The following GLIPR2 variants were observed in gnomAD, a reference collection of about 807,000 sequenced individuals.
The protein encoded by GLIPR2 is GLI pathogenesis related 2.
GLIPR2 carries 21 observed loss-of-function variants against 20.4 expected under a neutral mutation model. The ratio of observed to expected loss-of-function variants is 1.03; its 90% CI spans 0.73 to 1.48. The LOEUF (loss-of-function observed/expected upper bound fraction) is 1.48, where lower values mean the gene tolerates loss of function less well. Ranked by LOEUF, GLIPR2 falls within the 40% of genes most tolerant of loss-of-function variation. The probability of loss-of-function intolerance (pLI) is 0.00; values close to 1 mark genes in which losing one functional copy is unlikely to be tolerated. For synonymous variants in GLIPR2, 91 were observed against 80.5 expected (o/e 1.13, Z -0.70); for missense variants, 205 against 200.1 (o/e 1.02, Z -0.15).
At chr9:36,138,834 G>C (rs756166466) in intron 1 of GLIPR2, among the ~76,000 whole-genome samples, 1 of 152,198 alleles carries the variant, frequency 6.6e-6, no homozygotes, top group Non-Finnish European at 1.5e-5. Context: ...ACTGCTCCGC[G>C]TGGGAGCCGA....
chr9:36,146,006 C>T (rs1825313108), intron 1 of GLIPR2: 1 of 152,336 alleles, frequency 6.6e-6, no homozygotes, highest in Non-Finnish European at 1.5e-5. Context: ...TCATACCACT[C>T]ACCCTCCCAC....
At chr9:36,147,252 A>C (rs1188828724) in intron 1 of GLIPR2, among the ~76,000 whole-genome samples, 1 of 152,086 alleles carries the variant, frequency 6.6e-6, no homozygotes, top group Non-Finnish European at 1.5e-5. Context: ...TCACCCACCC[A>C]GCATAGGTGC....
intron 4 of GLIPR2, 124 bp from the exon 5 acceptor site, chr9:36,162,238 T>G: frequency 6.3e-7 from 1 of 1,591,008 alleles, no homozygotes. Flanking sequence ...GCAGGGGGTC[T>G]GTGAAGACCA....
intron 3 of GLIPR2, 103 bp downstream of exon 3, chr9:36,148,753 G>A: frequency 1.3e-6 from 1 of 750,796 alleles, no homozygotes; most frequent in South Asian, 1.5e-5. Flanking sequence ...TGTAGCCACA[G>A]GCCCAGGAAA....
At chr9:36,156,266 G>A (rs1825823974) in intron 4 of GLIPR2, among the ~76,000 whole-genome samples, 1 of 151,416 alleles carries the variant, frequency 6.6e-6, no homozygotes, top group Non-Finnish European at 1.5e-5. Flanking sequence ...GCACGTGCCT[G>A]TGGTCCTGGT....
chr9:36,162,207 T>C (rs1359005357), intron 4 of GLIPR2, 155 bp from the exon 5 acceptor site: 3 of 1,535,354 alleles, frequency 2.0e-6, no homozygotes, highest in Non-Finnish European at 2.6e-6. Flanking sequence ...GCAGTCAGAG[T>C]GTTTTCTCTC....
chr9:36,156,125 G>A (rs1004888884), intron 4 of GLIPR2, among the ~76,000 whole-genome samples: 2 of 152,096 alleles, frequency 1.3e-5, no homozygotes, highest in East Asian at 1.9e-4. Context: ...CACAACAATC[G>A]CTTGAATCTG....
At chr9:36,157,183 A>ATTT (rs550973713) in intron 4 of GLIPR2, among the ~76,000 whole-genome samples, 1 of 130,696 alleles carries the variant, frequency 7.7e-6, no homozygotes, top group Non-Finnish European at 1.6e-5. Context: ...TGCCCAGCTA[A>ATTT]TTTTTTTTTT....
intron 4 of GLIPR2, among the ~76,000 whole-genome samples, chr9:36,157,450 G>A (rs1004288755): frequency 2.7e-4 from 40 of 148,448 alleles, no homozygotes; most frequent in Non-Finnish European, 4.2e-4. Flanking sequence ...AGGTTCAAGC[G>A]ACTCTCCTGC....
At chr9:36,145,464 G>A (rs1410291586) in intron 1 of GLIPR2, among the ~76,000 whole-genome samples, 2 of 152,210 alleles carry the variant, frequency 1.3e-5, no homozygotes, top group African/African-American at 2.4e-5. Flanking sequence ...ACACATGGCT[G>A]ACTTGTCTCT....
In GLIPR2 at chr9:36,148,595, G is replaced by C; in HGVS notation, c.171G>C (p.Glu57Asp). The change falls in exon 3 of 5, where the codon GAG becomes GAC. Residue 57 changes from glutamate to aspartate, a missense_variant. By Grantham distance (45) the Glu-to-Asp change is conservative. Coordinates refer to ENST00000377960, the MANE Select transcript of GLIPR2 (RefSeq NM_022343.4). ...ASTRILKHSP[E>D]SSRGQCGENL... Reference sequence around the variant, plus strand: ...CGAGGATCCTCAAGCACAGCCCGGAGTCCAGCCGTGGCCAGTGTGGGGAGA... The same window carrying C: ...CGAGGATCCTCAAGCACAGCCCGGACTCCAGCCGTGGCCAGTGTGGGGAGA... 1 of 1,614,166 alleles carries C rather than the reference G, an allele frequency of 6.2e-7. No homozygotes were observed. Among genetic ancestry groups the C allele is most frequent in the South Asian group, 1.1e-5 (1 of 91,080 alleles).
intron 1 of GLIPR2, among the ~76,000 whole-genome samples, chr9:36,143,382 C>T (rs976979274): frequency 2.6e-5 from 4 of 152,178 alleles, no homozygotes; most frequent in Admixed American, 2.6e-4. Context: ...CCTTTCCTGA[C>T]GCATTTGTGG....
At chr9:36,136,656 G>C (rs1390737223), upstream of GLIPR2, 4 of 701,508 alleles carry the variant, frequency 5.7e-6, no homozygotes, top group South Asian at 1.4e-4. The surrounding 1 kb of genome is among the most constrained non-coding windows in gnomAD (Gnocchi z 4.3). Flanking sequence ...TATAAGGCGG[G>C]GGCCGGGCGG....
upstream of GLIPR2, chr9:36,136,704 G>T: frequency 9.2e-7 from 1 of 1,088,176 alleles, no homozygotes; most frequent in Non-Finnish European, 1.2e-6. This position sits in a 1 kb window ranked among gnomAD's most constrained non-coding sequence, Gnocchi z 4.3. Context: ...CCGGTCCTGG[G>T]CTCTGGGGCG....
chr9:36,151,119 G>A (rs1012862433), intron 4 of GLIPR2, 170 bp downstream of exon 4: 32 of 608,422 alleles, frequency 5.3e-5, no homozygotes, highest in African/African-American at 3.7e-4. Context: ...TCTCCTTTCC[G>A]CATTACATCC....
intron 4 of GLIPR2, among the ~76,000 whole-genome samples, chr9:36,160,312 G>A (rs375790865): frequency 4.3e-4 from 66 of 152,222 alleles, no homozygotes; most frequent in Middle Eastern, 3.4e-3. Context: ...CGTGAGTCAC[G>A]GCGCCCGGCC....
chr9:36,136,918 G>A lies in GLIPR2; in HGVS notation c.13+127G>A. ...GGAGCCCGGGGTGCGGGTGGAGGGC[G>A]CGCGGGCGGAGCGCCCCGGCGCGGT... On this transcript the variant is annotated intron_variant, in intron 1 of 4. Coordinates refer to ENST00000377960, the MANE Select transcript of GLIPR2 (RefSeq NM_022343.4). The surrounding 1 kb of genome is among the most constrained non-coding windows in gnomAD (Gnocchi z 4.3). The A allele has an allele frequency of 1.8e-6, 2 of 1,120,358 alleles. No individual in the cohort carries two copies. The highest frequency in any genetic ancestry group is 1.6e-5 in the African/African-American group (1 of 62,100). The allele number at this position is 1,120,358 out of a possible 1,614,324, so 69.4% of individuals were successfully genotyped here.
At chr9:36,141,865 G>C (rs972519582) in intron 1 of GLIPR2, 14 of 454,482 alleles carry the variant, frequency 3.1e-5, no homozygotes, top group African/African-American at 2.8e-4. Context: ...AGAGCCTCCA[G>C]CGGTAGAGGC....
rs555789415 is a variant in GLIPR2 at position 36,146,834 on chromosome 9, G to GCT, written c.14-948_14-947dup. On this transcript the variant is annotated intron_variant, in intron 1 of 4. Coordinates refer to ENST00000377960, the MANE Select transcript of GLIPR2 (RefSeq NM_022343.4). Reference sequence around the variant, plus strand: ...CATGGCTTAGGGCTGTCCGGCTTCAGCTCTCGGGTGGAAGCCTCGTGCTTG... The same window carrying GCT: ...CATGGCTTAGGGCTGTCCGGCTTCAGCTCTCTCGGGTGGAAGCCTCGTGCTTG... 1.5e-3 allele frequency among the ~76,000 whole-genome samples: 235 copies of GCT among 152,304 alleles called. 3 individuals carry two copies. The highest frequency in any genetic ancestry group is 5.3e-3 in the African/African-American group (222 of 41,568).
Sources: allele counts gnomAD v4.1 joint callset (sites outside exome capture counted in the v4.1 genomes callset), GRCh38; gene constraint gnomAD v4.1.1; non-coding constraint Gnocchi (gnomAD v3.1); transcripts MANE v1.5; gene names NCBI Gene and HGNC (gene_info 2026-07-23, HGNC 2026-07-21).